The following ZZEF1 variants were observed in gnomAD, a reference collection of about 807,000 sequenced individuals.
The protein encoded by ZZEF1 is zinc finger ZZ-type and EF-hand domain-containing protein 1.
Under a neutral mutation model 342.8 loss-of-function variants are expected in ZZEF1, and 157 were observed. That is an observed-to-expected ratio of 0.46 (90% CI 0.40 to 0.52). ZZEF1 has a LOEUF of 0.52. Ranked by LOEUF, ZZEF1 falls within the 20% of genes least tolerant of loss-of-function variation. The probability of loss-of-function intolerance (pLI) is 0.00; values close to 1 mark genes in which losing one functional copy is unlikely to be tolerated. For missense variants in ZZEF1, 3,480 were observed against 3,725.6 expected, an observed-to-expected ratio of 0.93 and a Z score of 1.72; for synonymous variants, 1,505 against 1,429.1, an observed-to-expected ratio of 1.05 and a Z score of -1.20.
In ZZEF1 at chr17:4,086,524, A is replaced by C. The variant is rs755439836; in HGVS notation, c.2474T>G (p.Val825Gly). The C allele has an allele frequency of 6.2e-7, 1 of 1,613,916 alleles. No individual in the cohort carries two copies. Among genetic ancestry groups the C allele is most frequent in the South Asian group, 1.1e-5 (1 of 91,068 alleles). Residue 825 changes from valine (V) to glycine (G), a missense_variant, in exon 15 of 55, where the codon GTA (valine) becomes GGA (glycine). Physicochemically the swap from Val to Gly is moderately radical, Grantham distance 109 (BLOSUM62 -3). This residue lies in a region of ZZEF1 where 1,528 missense variants were observed against 1,624.1 expected (regional missense o/e 0.94). Transcript: ENST00000381638. ...TGTGTACAGCTCCTTGGCAGCCTCT[A>C]CTCCTTTAGGGCTTTGGATTGGAGC... is the stretch of plus-strand genomic sequence containing the variant. ...EKAPIQSPKG[V>G]EAAKELYTHL... is the part of the protein sequence containing the mutation.
intron 2 of ZZEF1, among the ~76,000 whole-genome samples, chr17:4,119,384 G>A (rs1313862862): frequency 6.6e-6 from 1 of 152,206 alleles, no homozygotes; most frequent in Admixed American, 6.5e-5. Flanking sequence ...GTGCGATATT[G>A]TTTCTGATTT....
intron 1 of ZZEF1, among the ~76,000 whole-genome samples, chr17:4,124,725 TG>T (rs1325633740): frequency 6.6e-6 from 1 of 151,850 alleles, no homozygotes; most frequent in African/African-American, 2.4e-5. Flanking sequence ...CCCAAAGTGC[TG>T]GGATTACAGG....
chr17:4,051,960 T>C lies in ZZEF1; in HGVS notation c.5600+11A>G. On this transcript the variant is annotated intron_variant, in intron 35 of 54. Coordinates refer to ENST00000381638, the MANE Select transcript of ZZEF1 (RefSeq NM_015113.4). ...TAAAAGGCTTGGTGGCGACGGTCAC[T>C]TGAGACATACCCGTAGGAGTATTTC... 1 of 1,611,266 alleles carries C rather than the reference T, an allele frequency of 6.2e-7. No homozygotes were observed. Among genetic ancestry groups the C allele is most frequent in the Non-Finnish European group, 8.5e-7 (1 of 1,177,952 alleles).
chr17:4,082,368 G>A, intron 17 of ZZEF1, 69 bp downstream of exon 17: 1 of 1,505,626 alleles, frequency 6.6e-7, no homozygotes, highest in Middle Eastern at 1.7e-4. Flanking sequence ...TGAAAGGAAG[G>A]GCAAGCTCAA....
rs189293432 is a variant in ZZEF1, at chr17:4,114,758, C to T, written c.695-288G>A. Reference sequence around the variant, plus strand: ...ACCCAGTGGCCAAGGATTACCCCATCGTCTCTATCAGTGCAATTCTTTAAT... The same window carrying T: ...ACCCAGTGGCCAAGGATTACCCCATTGTCTCTATCAGTGCAATTCTTTAAT... On this transcript the variant is annotated intron_variant, in intron 3 of 54. Transcript: ENST00000381638. 1.7e-4 allele frequency among the ~76,000 whole-genome samples: 26 copies of T among 152,254 alleles called. No homozygotes were observed. In the East Asian group the frequency reaches 4.6e-3, roughly 27 times the overall value.
In ZZEF1 at chr17:4,004,546, G is replaced by T. The variant is rs922998801; in HGVS notation, c.*2344C>A. The T allele has an allele frequency of 6.6e-6, 1 of 152,510 alleles. No homozygotes were observed. The highest frequency in any genetic ancestry group is 1.5e-5 in the Non-Finnish European group (1 of 68,028). The allele number at this position is 152,510 out of a possible 1,614,324, so 9.4% of individuals were successfully genotyped here. On this transcript the variant is annotated 3_prime_UTR_variant, in exon 55 of 55. Coordinates refer to ENST00000381638, the MANE Select transcript of ZZEF1 (RefSeq NM_015113.4). ...CAGGCTGAACTCACTCAGGCTGATAGAATCAAAATTCTTTCAACCAAATAA... is the reference window on the plus strand; with the variant it reads ...CAGGCTGAACTCACTCAGGCTGATATAATCAAAATTCTTTCAACCAAATAA...
At chr17:4,084,183 G>A (rs2057777494) in intron 16 of ZZEF1, among the ~76,000 whole-genome samples, 1 of 152,078 alleles carries the variant, frequency 6.6e-6, no homozygotes, top group Admixed American at 6.5e-5. Flanking sequence ...TTCGATACAT[G>A]CCCTCTACCA....
chr17:4,070,797 T>C lies in ZZEF1; in HGVS notation c.3962A>G (p.Gln1321Arg), dbSNP rs2057492965. 6.2e-7 allele frequency: 1 copy of C among 1,614,086 alleles called. No homozygotes were observed. The highest frequency in any genetic ancestry group is 1.3e-5 in the African/African-American group (1 of 74,934). Residue 1321 changes from glutamine to arginine, a missense_variant, in exon 26 of 55, where the codon CAG (glutamine) becomes CGG (arginine). This residue lies in a region of ZZEF1 where 1,528 missense variants were observed against 1,624.1 expected (regional missense o/e 0.94). Transcript: ENST00000381638. ...AGCAACTATATCTGTCTTTGGGGCC[T>C]GTTTTCTACATGCCTGTATGAATCC... is the stretch of plus-strand genomic sequence containing the variant. ...FKGFIQACRK[Q>R]APKTDIVAGS... is the part of the protein sequence containing the mutation.
Position 4,075,155 on chromosome 17 carries a change from T to C in ZZEF1, c.3425A>G (p.Asp1142Gly). ...ATAGCGTGTTTTCCGACCTCTAGCG[T>C]CGGTAAATTCCAGATAATCATACCT... ...EKRYDYLEFT[D>G]ARGRKTRYDT... Residue 1142 changes from aspartate to glycine, a missense_variant, in exon 23 of 55, where the codon GAC becomes GGC. By Grantham distance (94) the Asp-to-Gly change is moderately conservative. Coordinates refer to ENST00000381638, the MANE Select transcript of ZZEF1 (RefSeq NM_015113.4). The C allele has an allele frequency of 1.2e-6, 2 of 1,614,244 alleles. No homozygotes were observed. Among genetic ancestry groups the C allele is most frequent in the Non-Finnish European group, 1.7e-6 (2 of 1,180,032 alleles).
rs1215818072 is a variant in ZZEF1 at position 4,009,897 on chromosome 17, C to T, written c.8580-140G>A. On this transcript the variant is annotated intron_variant, in intron 52 of 54. Coordinates refer to ENST00000381638, the MANE Select transcript of ZZEF1 (RefSeq NM_015113.4). ...TGATTATAAAGTCGCCTCACCTATG[C>T]TCCCCACAAAGCAGCCACGAATAGT... 9 of 984,916 alleles carry T rather than the reference C, an allele frequency of 9.1e-6. No individual in the cohort carries two copies. The East Asian group carries it at 1.6e-4, about 17-fold the overall frequency. 61.0% of individuals were successfully genotyped at this position (984,916 alleles called of 1,614,324 possible). A position where few individuals can be genotyped will look rare whatever the true frequency, so the allele number is the denominator to read the frequency against.
intron 37 of ZZEF1, among the ~76,000 whole-genome samples, chr17:4,044,870 C>T (rs1032012203): frequency 7.9e-5 from 12 of 152,002 alleles, no homozygotes; most frequent in East Asian, 1.9e-4. Context: ...CAGTAACTGT[C>T]GGGCTGGGTG....
chr17:4,044,752 C>T (rs1038344126), intron 37 of ZZEF1, among the ~76,000 whole-genome samples: 2 of 151,960 alleles, frequency 1.3e-5, no homozygotes, highest in African/African-American at 2.4e-5. Context: ...CTCTTGACCT[C>T]GTGATCTGCC....
At chr17:4,085,632 A>G (rs1442008108) in intron 16 of ZZEF1, 38 bp downstream of exon 16, 1 of 1,610,904 alleles carries the variant, frequency 6.2e-7, no homozygotes, top group Non-Finnish European at 8.5e-7. Flanking sequence ...ATCCTCACAG[A>G]CTTCAGACAT....
chr17:4,067,112 C>T (rs372607982), intron 27 of ZZEF1, 51 bp downstream of exon 27: 894 of 1,451,332 alleles, frequency 6.2e-4, no homozygotes, highest in Non-Finnish European at 8.2e-4. Flanking sequence ...TCCATGATAT[C>T]ACGGTAGAAA....
chr17:4,117,093 G>A lies in ZZEF1; in HGVS notation c.573C>T (p.His191=), dbSNP rs1399456991. Residue 191 remains histidine (H), a synonymous_variant, in exon 3 of 55, where the codon CAC becomes CAT. Transcript: ENST00000381638. ...IHSSMILRFL[H]RNRLSSAVMP... Reference sequence around the variant, plus strand: ...TCACCGCGCTGGAGAGCCGATTGCGGTGCAGGAAGCGCAGTATCATTGACG... The same window carrying A: ...TCACCGCGCTGGAGAGCCGATTGCGATGCAGGAAGCGCAGTATCATTGACG... 3 of 1,614,174 alleles carry A rather than the reference G, an allele frequency of 1.9e-6. No individual in the cohort carries two copies. Among genetic ancestry groups the A allele is most frequent in the Non-Finnish European group, 2.5e-6 (3 of 1,180,030 alleles).
chr17:4,075,330 C>T lies in ZZEF1; in HGVS notation c.3334G>A (p.Val1112Ile), dbSNP rs369787596. Reference protein sequence around the residue: ...NYENNCHEVSVFVSPGATYFE... With the variant: ...NYENNCHEVSIFVSPGATYFE... ...TAGGTTGCCCCTGGGCTAACAAAGA[C>T]GGATACCTCATGGCAATTATTTTCA... is the stretch of plus-strand genomic sequence containing the variant. The change falls in exon 22 of 55, where the codon GTC becomes ATC. Residue 1112 changes from valine to isoleucine, a missense_variant. Around this residue, in one of 5 missense-constraint regions of ZZEF1, gnomAD observed 1,528 missense variants for 1,624.1 expected, o/e 0.94. Coordinates refer to ENST00000381638, the MANE Select transcript of ZZEF1 (RefSeq NM_015113.4). 56 of 1,614,224 alleles carry T rather than the reference C, an allele frequency of 3.5e-5. No homozygotes were observed. The highest frequency in any genetic ancestry group is 3.3e-4 in the South Asian group (30 of 91,088).
At chr17:4,067,966 T>G (rs1449575702) in intron 26 of ZZEF1, among the ~76,000 whole-genome samples, 1 of 152,124 alleles carries the variant, frequency 6.6e-6, no homozygotes, top group Non-Finnish European at 1.5e-5. Context: ...TAGTCCTAGC[T>G]ACTAGGGAGG....
intron 6 of ZZEF1, among the ~76,000 whole-genome samples, chr17:4,109,424 A>C (rs1597904521): frequency 6.6e-6 from 1 of 152,168 alleles, no homozygotes; most frequent in African/African-American, 2.4e-5. Context: ...TGTGACGAGG[A>C]GCAGGAAGGT....
At chr17:4,090,892 T>C (rs901293925) in intron 11 of ZZEF1, 62 bp from the exon 12 acceptor site, 15 of 1,260,506 alleles carry the variant, frequency 1.2e-5, no homozygotes, top group Non-Finnish European at 1.5e-5. Flanking sequence ...GTCTAACAAA[T>C]AAGGTATCAT....
Sources: gnomAD v4.1 joint callset for allele counts (sites outside exome capture counted in the v4.1 genomes callset) on GRCh38, gnomAD v4.1.1 for gene constraint, gnomAD v4.1.1 regional missense constraint, MANE v1.5 for transcripts, NCBI Gene and HGNC (gene_info 2026-07-23, HGNC 2026-07-21) for gene names.